Variants in SKA2 observed in about 807,000 individuals in gnomAD.
SKA2 encodes spindle and kinetochore associated complex subunit 2.
Under a neutral mutation model 16.9 loss-of-function variants are expected in SKA2, and 13 were observed. That is an observed-to-expected ratio of 0.77 (90% CI 0.50 to 1.22). The LOEUF (loss-of-function observed/expected upper bound fraction) is 1.22, where lower values mean the gene tolerates loss of function less well. Among genes scored for constraint, SKA2 ranks in the 50% most tolerant of loss-of-function variants. SKA2 has a pLI of 0.00. For missense variants in SKA2, 107 were observed against 139.7 expected, an observed-to-expected ratio of 0.77 and a Z score of 1.18; for synonymous variants, 47 against 48.5, an observed-to-expected ratio of 0.97 and a Z score of 0.13.
intron 1 of SKA2, among the ~76,000 whole-genome samples, chr17:59,140,149 A>G (rs1015101170): frequency 2.6e-5 from 4 of 152,188 alleles, no homozygotes; most frequent in African/African-American, 9.7e-5. Context: ...ACCAGGTCAC[A>G]GACATGTTAT....
At chr17:59,116,618 G>A (rs1393829189) in intron 3 of SKA2, among the ~76,000 whole-genome samples, 1 of 151,764 alleles carries the variant, frequency 6.6e-6, no homozygotes, top group Non-Finnish European at 1.5e-5. Flanking sequence ...ACCACTCTTT[G>A]ATAAAGATTA....
intron 3 of SKA2, among the ~76,000 whole-genome samples, chr17:59,116,048 A>C (rs2046293863): frequency 1.3e-5 from 2 of 151,508 alleles, no homozygotes; most frequent in South Asian, 2.1e-4. Flanking sequence ...TTTTGATGAG[A>C]TCACCTTTAT....
chr17:59,155,170 T>A lies in SKA2; in HGVS notation c.-7A>T. ...TATCGACCTCCGCCTCCATGTTGAA[T>A]AGTTGACATTCCGCAGACCGCGGCG... On this transcript the variant is annotated 5_prime_UTR_variant, in exon 1 of 4. Transcript: ENST00000330137. The A allele has an allele frequency of 1.2e-6, 2 of 1,613,964 alleles. No individual in the cohort carries two copies. Among genetic ancestry groups the A allele is most frequent in the Non-Finnish European group, 1.7e-6 (2 of 1,179,876 alleles).
At chr17:59,140,836 G>T (rs1176122618) in intron 1 of SKA2, among the ~76,000 whole-genome samples, 1 of 147,030 alleles carries the variant, frequency 6.8e-6, no homozygotes, top group Non-Finnish European at 1.5e-5. Context: ...TATTAGCTAG[G>T]ATGACCTCAA....
intron 1 of SKA2, among the ~76,000 whole-genome samples, chr17:59,138,897 C>A (rs2046466084): frequency 6.6e-6 from 1 of 152,146 alleles, no homozygotes; most frequent in African/African-American, 2.4e-5. Flanking sequence ...TTACAAACAA[C>A]CCCTAGATTC....
At chr17:59,148,207 C>T (rs2046548804) in intron 1 of SKA2, among the ~76,000 whole-genome samples, 1 of 152,040 alleles carries the variant, frequency 6.6e-6, no homozygotes, top group African/African-American at 2.4e-5. Context: ...AATTGCAAAA[C>T]TGTCGAGAGA....
chr17:59,116,067 A>T (rs2046293932), intron 3 of SKA2, among the ~76,000 whole-genome samples: 1 of 152,130 alleles, frequency 6.6e-6, no homozygotes, highest in Admixed American at 6.6e-5. Context: ...ATAATTGAAC[A>T]TATTTAAACC....
intron 2 of SKA2, among the ~76,000 whole-genome samples, chr17:59,120,914 A>T (rs1430503570): frequency 6.6e-6 from 1 of 152,174 alleles, no homozygotes; most frequent in Non-Finnish European, 1.5e-5. Flanking sequence ...GCACTTTGGG[A>T]GGCCGAGGCG....
chr17:59,134,825 A>G, intron 1 of SKA2, among the ~76,000 whole-genome samples: 1 of 151,840 alleles, frequency 6.6e-6, no homozygotes, highest in East Asian at 1.9e-4. Flanking sequence ...CTATATTCAT[A>G]TATATATTTT....
chr17:59,120,043 G>A (rs927439935), intron 2 of SKA2, among the ~76,000 whole-genome samples: 5 of 151,718 alleles, frequency 3.3e-5, no homozygotes, highest in African/African-American at 1.2e-4. Context: ...GGAGTAGCTG[G>A]GACTACAGGC....
intron 2 of SKA2, among the ~76,000 whole-genome samples, chr17:59,121,191 A>G (rs1398576686): frequency 6.6e-6 from 1 of 151,942 alleles, no homozygotes; most frequent in African/African-American, 2.4e-5. Context: ...AGGGTACAAT[A>G]AAGACTTTTT....
intron 1 of SKA2, among the ~76,000 whole-genome samples, chr17:59,142,452 AGC>A: frequency 6.6e-6 from 1 of 151,678 alleles, no homozygotes; most frequent in African/African-American, 2.4e-5. Flanking sequence ...CACCACATCC[AGC>A]TAATTTTGTA....
chr17:59,124,012 A>T (rs1197248265), intron 2 of SKA2, among the ~76,000 whole-genome samples: 1 of 152,224 alleles, frequency 6.6e-6, no homozygotes, highest in Non-Finnish European at 1.5e-5. Context: ...TTAGAAATAT[A>T]AAGGAAATAC....
intron 1 of SKA2, 126 bp downstream of exon 1, chr17:59,155,005 G>T (rs1040188833): frequency 1.9e-6 from 3 of 1,613,908 alleles, no homozygotes; most frequent in African/African-American, 2.7e-5. Flanking sequence ...GGTGCAGGAG[G>T]AGGGAACTCG....
At chr17:59,144,131 T>C (rs1388372556) in intron 1 of SKA2, among the ~76,000 whole-genome samples, 2 of 151,842 alleles carry the variant, frequency 1.3e-5, no homozygotes, top group African/African-American at 4.8e-5. Flanking sequence ...AGGCCGAGGT[T>C]GCAGTAAGCC....
chr17:59,123,021 CAAAA>C (rs1197154280), intron 2 of SKA2, among the ~76,000 whole-genome samples: 6 of 49,124 alleles, frequency 1.2e-4, no homozygotes, highest in African/African-American at 2.1e-4. Context: ...AACCTTGTCT[CAAAA>C]AAAAAAAAAA....
intron 1 of SKA2, among the ~76,000 whole-genome samples, chr17:59,138,584 C>T (rs1219510941): frequency 1.3e-5 from 2 of 151,976 alleles, no homozygotes; most frequent in Non-Finnish European, 2.9e-5. Context: ...GCACACGCCA[C>T]AACGCCTAGT....
At chr17:59,114,298 T>C (rs1191971325) in intron 3 of SKA2, among the ~76,000 whole-genome samples, 3 of 152,212 alleles carry the variant, frequency 2.0e-5, no homozygotes, top group Non-Finnish European at 4.4e-5. Context: ...AGTATAGTCA[T>C]GTGTCACTTA....
At chr17:59,116,635 G>A (rs2046298036) in intron 3 of SKA2, among the ~76,000 whole-genome samples, 1 of 151,912 alleles carries the variant, frequency 6.6e-6, no homozygotes, top group African/African-American at 2.4e-5. Context: ...ATTATAGCAA[G>A]ATAATACCTG....
Sources: gnomAD v4.1 joint callset for allele counts (sites outside exome capture counted in the v4.1 genomes callset) on GRCh38, gnomAD v4.1.1 for gene constraint, MANE v1.5 for transcripts, NCBI Gene and HGNC (gene_info 2026-07-23, HGNC 2026-07-21) for gene names.